Variants in GSG1L observed in about 807,000 individuals in gnomAD.
GSG1L encodes the protein germ cell-specific gene 1-like protein.
GSG1L carries 24 observed loss-of-function variants against 42.1 expected under a neutral mutation model. That is an observed-to-expected ratio of 0.57 (90% CI 0.41 to 0.80). The LOEUF (loss-of-function observed/expected upper bound fraction) is 0.80, where lower values mean the gene tolerates loss of function less well. GSG1L is among the 30% of genes least tolerant of loss of function. The pLI is 0.00. For missense variants in GSG1L, 445 were observed against 472.2 expected, an observed-to-expected ratio of 0.94 and a Z score of 0.53; for synonymous variants, 215 against 203.5, an observed-to-expected ratio of 1.06 and a Z score of -0.48.
chr16:28,019,185 A>G (rs764839311), intron 1 of GSG1L, among the ~76,000 whole-genome samples: 14 of 152,210 alleles, frequency 9.2e-5, no homozygotes, highest in Non-Finnish European at 1.9e-4. Context: ...AGATGGGAGC[A>G]CAAGATATCA....
At position 27,929,711 on chromosome 16, in the gene GSG1L, A is replaced by G. The variant is rs558204624; in HGVS notation, c.397+33445T>C. 3.2e-4 allele frequency among the ~76,000 whole-genome samples: 49 copies of G among 152,258 alleles called. 1 individual carries two copies. The highest frequency in any genetic ancestry group is 1.1e-3 in the African/African-American group (46 of 41,554). On this transcript the variant is annotated intron_variant, in intron 2 of 6. Transcript: ENST00000447459. Reference sequence around the variant, plus strand: ...GTGTTTCTTTTATTTGTGGTTTGGAAAAGTATTAACTGATGCTGCTGTTAC... The same window carrying G: ...GTGTTTCTTTTATTTGTGGTTTGGAGAAGTATTAACTGATGCTGCTGTTAC...
chr16:27,973,306 C>T (rs1049633981), intron 1 of GSG1L, among the ~76,000 whole-genome samples: 6 of 151,766 alleles, frequency 4.0e-5, no homozygotes, highest in Admixed American at 1.3e-4. Flanking sequence ...AAAAATTACC[C>T]GGGCGTGGTT....
chr16:27,870,114 CCTCT>C (rs1217513492), intron 3 of GSG1L, among the ~76,000 whole-genome samples: 6 of 142,558 alleles, frequency 4.2e-5, no homozygotes, highest in Non-Finnish European at 7.6e-5. Context: ...TCTCTTCTCT[CCTCT>C]CTCTGTCTGT....
chr16:27,865,550 TATATATATATATATATATATATAC>T lies in GSG1L; in HGVS notation c.550+18912_550+18935del, dbSNP rs1308208846. On this transcript the variant is annotated intron_variant, in intron 3 of 6. Transcript: ENST00000447459. ...ATATATATATATATATATATATATA[TATATATATATATATATATATATAC>T]ACACACACATACATACATACACACA... Among the ~76,000 whole-genome samples, 63 of 66,810 alleles carry T rather than the reference TATATATATATATATATATATATAC, an allele frequency of 9.4e-4. 2 individuals are homozygous for T. The highest frequency in any genetic ancestry group is 2.3e-3 in the African/African-American group (35 of 15,300). The allele number at this position is 66,810 out of a possible 152,430, so 43.8% of individuals were successfully genotyped here. A position where few individuals can be genotyped will look rare whatever the true frequency, so the allele number is the denominator to read the frequency against.
intron 6 of GSG1L, among the ~76,000 whole-genome samples, chr16:27,791,746 A>G (rs530677357): frequency 2.0e-5 from 3 of 151,980 alleles, no homozygotes; most frequent in East Asian, 3.9e-4. Flanking sequence ...CCACCAATGT[A>G]TCCACGACTC....
intron 2 of GSG1L, among the ~76,000 whole-genome samples, chr16:27,934,342 G>A (rs1199759976): frequency 6.6e-6 from 1 of 152,120 alleles, no homozygotes; most frequent in Admixed American, 6.5e-5. Context: ...TCAGGAGTTC[G>A]AGACCAGCCT....
chr16:27,815,565 G>T (rs2083085825), intron 5 of GSG1L, among the ~76,000 whole-genome samples: 1 of 152,170 alleles, frequency 6.6e-6, no homozygotes, highest in East Asian at 1.9e-4. Context: ...TGATGGGGAT[G>T]CTTGGTGTGA....
In GSG1L at chr16:27,902,339, G is replaced by C. The variant is rs537359283; in HGVS notation, c.398-17701C>G. Among the ~76,000 whole-genome samples, 3 of 152,308 alleles carry C rather than the reference G, an allele frequency of 2.0e-5. No individual in the cohort carries two copies. In the East Asian group the frequency reaches 5.8e-4, roughly 29 times the overall value. On this transcript the variant is annotated intron_variant, in intron 2 of 6. Coordinates refer to ENST00000447459, the MANE Select transcript of GSG1L (RefSeq NM_001109763.2). ...TCATGAATGCCACCAAAAGGTCAAGGGAAATGAAGACTGAGAGATGAGAAA... is the reference window on the plus strand; with the variant it reads ...TCATGAATGCCACCAAAAGGTCAAGCGAAATGAAGACTGAGAGATGAGAAA...
At chr16:27,821,629 G>T (rs748514940) in intron 5 of GSG1L, among the ~76,000 whole-genome samples, 1 of 151,976 alleles carries the variant, frequency 6.6e-6, no homozygotes, top group African/African-American at 2.4e-5. Context: ...GGCCGGGCGC[G>T]GTGGCTCACA....
chr16:27,833,831 AT>A (rs896048738), intron 4 of GSG1L, among the ~76,000 whole-genome samples: 2 of 152,092 alleles, frequency 1.3e-5, no homozygotes, highest in African/African-American at 4.8e-5. Flanking sequence ...GGTCTAGGCA[AT>A]TTTTTTGGTA....
At chr16:27,916,484 TC>T (rs1173190082) in intron 2 of GSG1L, among the ~76,000 whole-genome samples, 2 of 107,460 alleles carry the variant, frequency 1.9e-5, no homozygotes, top group Non-Finnish European at 3.7e-5. Flanking sequence ...ATATTTTTAA[TC>T]CTTTTTTTTT....
chr16:27,936,302 T>C (rs62033509), intron 2 of GSG1L, among the ~76,000 whole-genome samples: 11 of 152,146 alleles, frequency 7.2e-5, no homozygotes, highest in African/African-American at 2.7e-4. Context: ...TCTCTGCTGT[T>C]AGAGATGGAG....
At chr16:27,809,544 C>G (rs1301690827) in intron 5 of GSG1L, among the ~76,000 whole-genome samples, 4 of 151,436 alleles carry the variant, frequency 2.6e-5, no homozygotes, top group Non-Finnish European at 5.9e-5. Flanking sequence ...TACCACTGCA[C>G]TCCAGCCCAA....
chr16:27,870,061 C>T lies in GSG1L; in HGVS notation c.550+14425G>A, dbSNP rs979408294. Among the ~76,000 whole-genome samples the T allele has an allele frequency of 6.0e-5, 9 of 148,808 alleles. 1 individual carries two copies. The highest frequency in any genetic ancestry group is 2.3e-4 in the African/African-American group (9 of 39,366). On this transcript the variant is annotated intron_variant, in intron 3 of 6. Transcript: ENST00000447459. ...TCTCCTTCTCTCTCTCTGTCTCTGC[C>T]TCTCTCCATCTCTCTTTCCTTTTCT...
intron 2 of GSG1L, among the ~76,000 whole-genome samples, chr16:27,956,085 C>A (rs2141100433): frequency 6.6e-6 from 1 of 152,230 alleles, no homozygotes; most frequent in South Asian, 2.1e-4. Flanking sequence ...GAACAGTTTT[C>A]TTTTGAAGCT....
intron 2 of GSG1L, among the ~76,000 whole-genome samples, chr16:27,897,129 G>A (rs1014508555): frequency 6.6e-6 from 1 of 152,074 alleles, no homozygotes; most frequent in Non-Finnish European, 1.5e-5. Context: ...CTCCCAAAGT[G>A]CTGGGATAAC....
At chr16:27,985,220 A>G (rs2085368339) in intron 1 of GSG1L, among the ~76,000 whole-genome samples, 1 of 152,032 alleles carries the variant, frequency 6.6e-6, no homozygotes, top group Non-Finnish European at 1.5e-5. Context: ...TCTCATGTTG[A>G]AATGTGACCT....
chr16:27,835,199 T>C (rs2083310978), intron 4 of GSG1L, among the ~76,000 whole-genome samples: 1 of 152,192 alleles, frequency 6.6e-6, no homozygotes, highest in Non-Finnish European at 1.5e-5. Flanking sequence ...GTTTGGTGGA[T>C]ACATATTTAG....
intron 6 of GSG1L, among the ~76,000 whole-genome samples, chr16:27,794,181 ATTAT>A (rs1158460876): frequency 6.6e-6 from 1 of 151,796 alleles, no homozygotes; most frequent in Non-Finnish European, 1.5e-5. Context: ...TCCCTGGCTA[ATTAT>A]TTATTTATTT....
Sources: gnomAD v4.1 joint callset for allele counts (sites outside exome capture counted in the v4.1 genomes callset) on GRCh38, gnomAD v4.1.1 for gene constraint, MANE v1.5 for transcripts, NCBI Gene and HGNC (gene_info 2026-07-23, HGNC 2026-07-21) for gene names.